Variants in UBL7 observed in about 807,000 individuals in gnomAD.
The protein encoded by UBL7 is ubiquitin-like protein 7.
Under a neutral mutation model 41.7 loss-of-function variants are expected in UBL7, and 21 were observed. The observed-to-expected ratio is 0.50, with a 90% CI of 0.36 to 0.73. The LOEUF (loss-of-function observed/expected upper bound fraction) is 0.73. UBL7 is among the 30% of genes least tolerant of loss of function. The pLI is 0.00. For synonymous variants in UBL7, 157 were observed against 186.9 expected, an observed-to-expected ratio of 0.84 and a Z score of 1.31; for missense variants, 403 against 478.4, an observed-to-expected ratio of 0.84 and a Z score of 1.47.
At chr15:74,453,224 T>C (rs2061265971) in intron 3 of UBL7, among the ~76,000 whole-genome samples, 1 of 152,208 alleles carries the variant, frequency 6.6e-6, no homozygotes, top group African/African-American at 2.4e-5. Context: ...ACCTAATTTA[T>C]TCATTCAACA....
chr15:74,458,600 C>G (rs1457433043), intron 2 of UBL7, 84 bp downstream of exon 2: 16 of 1,242,944 alleles, frequency 1.3e-5, no homozygotes, highest in African/African-American at 1.2e-4. Flanking sequence ...ATCCCAAGCC[C>G]TTACTTTACT....
intron 3 of UBL7, among the ~76,000 whole-genome samples, chr15:74,456,124 C>A (rs2061291443): frequency 7.8e-6 from 1 of 127,668 alleles, no homozygotes. Flanking sequence ...GAGACTCCGT[C>A]TCAGAAAAAA....
intron 7 of UBL7, 128 bp from the exon 8 acceptor site, chr15:74,449,803 G>A: frequency 6.5e-7 from 1 of 1,533,792 alleles, no homozygotes; most frequent in Non-Finnish European, 8.9e-7. Flanking sequence ...CAGGACAGAT[G>A]CACTTCCTGA....
rs2061215029 is a variant in UBL7, at chr15:74,449,126, C to T, written c.882+60G>A. On this transcript the variant is annotated intron_variant, in intron 9 of 10. Coordinates refer to ENST00000395081, the MANE Select transcript of UBL7 (RefSeq NM_032907.5). ...GGTCAGCAAAGGCAAATCTACTCTA[C>T]TGCTGGGGAGCTTGTTCCTTGGGGG... is the stretch of plus-strand genomic sequence containing the variant. 9 of 1,501,828 alleles carry T rather than the reference C, an allele frequency of 6.0e-6. No homozygotes were observed. The South Asian group carries it at 1.1e-4, about 18-fold the overall frequency. The allele number at this position is 1,501,828 out of a possible 1,614,324, so 93.0% of individuals were successfully genotyped here. A position where few individuals can be genotyped will look rare whatever the true frequency, so the allele number is the denominator to read the frequency against.
intron 2 of UBL7, 23 bp from the exon 3 acceptor site, chr15:74,456,694 A>G: frequency 6.2e-7 from 1 of 1,600,064 alleles, no homozygotes; most frequent in Admixed American, 1.7e-5. Flanking sequence ...CTGTCCACTT[A>G]TATTTTGCTC....
chr15:74,452,520 C>T, intron 3 of UBL7, 142 bp from the exon 4 acceptor site: 1 of 788,248 alleles, frequency 1.3e-6, no homozygotes, highest in South Asian at 1.8e-5. Context: ...AATGTGAGTG[C>T]CTGCTCAGAA....
At chr15:74,458,521 A>G (rs2061314497) in intron 2 of UBL7, among the ~76,000 whole-genome samples, 163 bp downstream of exon 2, 1 of 152,254 alleles carries the variant, frequency 6.6e-6, no homozygotes, top group Non-Finnish European at 1.5e-5. Flanking sequence ...CAATAGTTTC[A>G]TTATATGATT....
rs972157953 is a variant in UBL7 at position 74,458,805 on chromosome 15, A to T, written c.63T>A (p.Ser21=). 2.5e-6 allele frequency: 4 copies of T among 1,613,734 alleles called. No homozygotes were observed. The highest frequency in any genetic ancestry group is 3.4e-6 in the Non-Finnish European group (4 of 1,180,044). Residue 21 remains serine, a synonymous_variant, in exon 2 of 11, where the codon TCT becomes TCA. Coordinates refer to ENST00000395081, the MANE Select transcript of UBL7 (RefSeq NM_032907.5). The part of the protein sequence containing the change: ...KLADQPLTPK[S]ILRLPETELG... ...GTTCTGTCTCTGGCAACCGAAGAATAGACTTTGGAGTAAGTGGCTGGTCAG... is the reference window on the plus strand; with the variant it reads ...GTTCTGTCTCTGGCAACCGAAGAATTGACTTTGGAGTAAGTGGCTGGTCAG...
chr15:74,449,264 G>A lies in UBL7; in HGVS notation c.804C>T (p.Thr268=). The A allele has an allele frequency of 6.2e-7, 1 of 1,612,626 alleles. No individual in the cohort carries two copies. Among genetic ancestry groups the A allele is most frequent in the African/African-American group, 1.3e-5 (1 of 75,024 alleles). The change falls in exon 9 of 11, where the codon ACC becomes ACT. Residue 268 remains threonine, a synonymous_variant. Transcript: ENST00000395081. The stretch of plus-strand genomic sequence containing the variant: ...CCAAGGCGGTGGCCAGCTCACTCTG[G>A]GTGATGGGCCGGGGCCCAGCAGCTC... ...YSGAAGPRPI[T]QSELATALAL... is the part of the protein sequence containing the mutation.
chr15:74,456,510 A>G (rs372356279), intron 3 of UBL7, 42 bp downstream of exon 3: 2 of 1,608,880 alleles, frequency 1.2e-6, no homozygotes, highest in African/African-American at 1.3e-5. Context: ...CCTTGCGGAT[A>G]TTACAGAAAC....
At chr15:74,449,501 C>T in intron 8 of UBL7, 125 bp downstream of exon 8, 11 of 1,556,680 alleles carry the variant, frequency 7.1e-6, no homozygotes, top group Non-Finnish European at 9.7e-6. Context: ...ATGACATGGT[C>T]TTGGCCCCCC....
intron 1 of UBL7, 25 bp downstream of exon 1, chr15:74,461,012 G>A: frequency 9.2e-7 from 1 of 1,092,064 alleles, no homozygotes. Flanking sequence ...AATGGGGCAG[G>A]AACACTATCC....
At chr15:74,458,580 G>A (rs2061315212) in intron 2 of UBL7, 104 bp downstream of exon 2, 1 of 950,842 alleles carries the variant, frequency 1.1e-6, no homozygotes, top group Non-Finnish European at 1.6e-6. Context: ...TTAACATTAT[G>A]AGGCAACAAA....
chr15:74,450,063 C>A lies in UBL7; in HGVS notation c.537G>T (p.Val179=). The A allele has an allele frequency of 6.2e-7, 1 of 1,612,758 alleles. No homozygotes were observed. Among genetic ancestry groups the A allele is most frequent in the South Asian group, 1.1e-5 (1 of 90,822 alleles). The change falls in exon 7 of 11, where the codon GTG becomes GTT. Residue 179 remains valine, a synonymous_variant. Transcript: ENST00000395081. ...CATTGACGAGGGCTGGGTGAGCAGG[C>A]ACCAACCTAGGATAGAAGCAGGAAG... ...FADPNMLDTL[V]PAHPALVNAI... is the part of the protein sequence containing the mutation.
intron 1 of UBL7, chr15:74,460,730 G>C: frequency 7.8e-7 from 1 of 1,288,916 alleles, no homozygotes. Flanking sequence ...ATCTTGCAAA[G>C]CAAGATAAGT....
chr15:74,457,063 T>A (rs1276172499), intron 2 of UBL7, among the ~76,000 whole-genome samples: 2 of 152,204 alleles, frequency 1.3e-5, no homozygotes, highest in Non-Finnish European at 2.9e-5. Context: ...CCTCCTGCCT[T>A]AGCCTCACAA....
chr15:74,454,259 T>C (rs908693135), intron 3 of UBL7, among the ~76,000 whole-genome samples: 1 of 152,218 alleles, frequency 6.6e-6, no homozygotes, highest in African/African-American at 2.4e-5. Context: ...ACAAATGTTA[T>C]TTTCCTTCTG....
intron 2 of UBL7, among the ~76,000 whole-genome samples, chr15:74,457,448 CAGG>C (rs2141326267): frequency 6.6e-6 from 1 of 152,228 alleles, no homozygotes; most frequent in East Asian, 1.9e-4. Context: ...GAGGCTGAAG[CAGG>C]AGAATTGCTT....
intron 3 of UBL7, among the ~76,000 whole-genome samples, chr15:74,455,262 G>C (rs8041946): frequency 8.8e-4 from 134 of 152,352 alleles, no homozygotes; most frequent in African/African-American, 3.1e-3. Context: ...CAACCTGCCA[G>C]TGTAACAAAG....
Sources: allele counts gnomAD v4.1 joint callset (sites outside exome capture counted in the v4.1 genomes callset), GRCh38; gene constraint gnomAD v4.1.1; transcripts MANE v1.5; gene names NCBI Gene and HGNC (gene_info 2026-07-23, HGNC 2026-07-21).